IMMP2L: variants seen among roughly 807,000 people sequenced by gnomAD.
The protein encoded by IMMP2L is inner mitochondrial membrane peptidase subunit 2, also known as mitochondrial inner membrane protease subunit 2.
In IMMP2L, 18 loss-of-function variants were observed where a neutral mutation model predicts 19.3. That is an observed-to-expected ratio of 0.93 (90% CI 0.64 to 1.38). The LOEUF (loss-of-function observed/expected upper bound fraction) is 1.38, where lower values mean the gene tolerates loss of function less well. Ranked by LOEUF, IMMP2L falls within the 40% of genes most tolerant of loss-of-function variation. The pLI, the probability that IMMP2L is intolerant of heterozygous loss-of-function variation, is 0.00. For missense variants in IMMP2L, 233 were observed against 218.2 expected, an observed-to-expected ratio of 1.07 and a Z score of -0.43; for synonymous variants, 76 against 73.0, an observed-to-expected ratio of 1.04 and a Z score of -0.21.
chr7:111,235,697 GT>G (rs572009542), intron 3 of IMMP2L, among the ~76,000 whole-genome samples: 53 of 151,698 alleles, frequency 3.5e-4, no homozygotes, highest in Middle Eastern at 3.4e-3. Flanking sequence ...TGTGCTTGGG[GT>G]TTTTTTAGTT....
At chr7:111,549,890 G>A (rs1402513601) in intron 1 of IMMP2L, among the ~76,000 whole-genome samples, 2 of 149,564 alleles carry the variant, frequency 1.3e-5, no homozygotes, top group South Asian at 2.1e-4. Context: ...GCAGTGAGCC[G>A]AGATCACGTC....
chr7:110,749,952 T>C (rs1424787138), intron 5 of IMMP2L, among the ~76,000 whole-genome samples: 2 of 152,092 alleles, frequency 1.3e-5, no homozygotes, highest in Non-Finnish European at 2.9e-5. Context: ...GCAAACCTTT[T>C]GCAGCTAACA....
intron 3 of IMMP2L, among the ~76,000 whole-genome samples, chr7:111,253,886 A>C (rs539071622): frequency 5.9e-5 from 9 of 152,296 alleles, no homozygotes; most frequent in Admixed American, 5.2e-4. Context: ...GGCATGATCT[A>C]ACATTTAAAC....
intron 3 of IMMP2L, among the ~76,000 whole-genome samples, chr7:111,065,272 C>A (rs939732855): frequency 6.6e-5 from 10 of 152,104 alleles, no homozygotes; most frequent in African/African-American, 2.4e-4. Context: ...GTATTGCTAA[C>A]TTTATATAAT....
chr7:111,461,748 T>C (rs948128666), intron 3 of IMMP2L, among the ~76,000 whole-genome samples: 3 of 152,116 alleles, frequency 2.0e-5, no homozygotes, highest in Non-Finnish European at 2.9e-5. Context: ...AACAGTACAA[T>C]GATTTACCTA....
rs1798159219 is a variant in IMMP2L at position 110,758,442 on chromosome 7, A to T, written c.409-94721T>A. Among the ~76,000 whole-genome samples the T allele has an allele frequency of 6.6e-6, 1 of 152,114 alleles. No individual in the cohort carries two copies. The highest frequency in any genetic ancestry group is 1.5e-5 in the Non-Finnish European group (1 of 68,006). Reference sequence around the variant, plus strand: ...TGCTATTGGAAAAGATCTTATAGACAGGATAATATTGATGACTCAGGAGAG... The same window carrying T: ...TGCTATTGGAAAAGATCTTATAGACTGGATAATATTGATGACTCAGGAGAG... On this transcript the variant is annotated intron_variant, in intron 5 of 5. Coordinates refer to ENST00000405709, the MANE Select transcript of IMMP2L (RefSeq NM_032549.4). The surrounding 1 kb of genome is among the most constrained non-coding windows in gnomAD (Gnocchi z 4.6).
chr7:111,208,939 A>C (rs1209896338), intron 3 of IMMP2L, among the ~76,000 whole-genome samples: 1 of 152,228 alleles, frequency 6.6e-6, no homozygotes, highest in East Asian at 1.9e-4. Flanking sequence ...CTTTGAGGTA[A>C]CTTATGTACA....
chr7:110,674,624 CA>C (rs928555180), intron 5 of IMMP2L, among the ~76,000 whole-genome samples: 2 of 152,172 alleles, frequency 1.3e-5, no homozygotes, highest in African/African-American at 4.8e-5. Flanking sequence ...AAATTACCTA[CA>C]ATTATGTTTG....
chr7:110,929,601 A>G (rs1318121056), intron 4 of IMMP2L, among the ~76,000 whole-genome samples: 1 of 152,176 alleles, frequency 6.6e-6, no homozygotes, highest in African/African-American at 2.4e-5. Context: ...CTGAAACTGC[A>G]CTGAATTGTT....
At chr7:110,952,813 A>G (rs1272299672) in intron 4 of IMMP2L, among the ~76,000 whole-genome samples, 1 of 152,122 alleles carries the variant, frequency 6.6e-6, no homozygotes, top group Non-Finnish European at 1.5e-5. Context: ...CTAATATTTC[A>G]TTTTAGATAT....
chr7:111,532,055 G>A (rs1288496535), intron 1 of IMMP2L, among the ~76,000 whole-genome samples: 1 of 151,876 alleles, frequency 6.6e-6, no homozygotes, highest in Admixed American at 6.6e-5. Context: ...AAACTTAGAA[G>A]AAGTGAGATA....
intron 4 of IMMP2L, among the ~76,000 whole-genome samples, chr7:110,930,737 C>A (rs1815379960): frequency 6.6e-6 from 1 of 152,146 alleles, no homozygotes; most frequent in Non-Finnish European, 1.5e-5. Context: ...CTGGAGTTAT[C>A]ATACCAAGCT....
chr7:111,078,273 T>C (rs956256841), intron 3 of IMMP2L, among the ~76,000 whole-genome samples: 5 of 152,186 alleles, frequency 3.3e-5, no homozygotes, highest in African/African-American at 9.7e-5. Context: ...AAGGGCATGA[T>C]AGAAATGAGA....
At position 111,535,181 on chromosome 7, in the gene IMMP2L, T is replaced by C. The variant is rs1263819306; in HGVS notation, c.-2-13732A>G. On this transcript the variant is annotated intron_variant, in intron 1 of 5. Coordinates refer to ENST00000405709, the MANE Select transcript of IMMP2L (RefSeq NM_032549.4). ...TGGTTTAATTTTGCAGAATTAAAGATTTTTCAGGAATGCATGTATGTCATT... is the reference window on the plus strand; with the variant it reads ...TGGTTTAATTTTGCAGAATTAAAGACTTTTCAGGAATGCATGTATGTCATT... Among the ~76,000 whole-genome samples the C allele has an allele frequency of 2.0e-5, 3 of 152,074 alleles. No homozygotes were observed. In the South Asian group the frequency reaches 6.2e-4, roughly 32 times the overall value.
chr7:111,043,670 T>C lies in IMMP2L; in HGVS notation c.240-80105A>G, dbSNP rs114834949. 9.5e-3 allele frequency among the ~76,000 whole-genome samples: 1,440 copies of C among 152,356 alleles called. 26 individuals carry two copies. Among genetic ancestry groups the C allele is most frequent in the African/African-American group, 0.033 (1,390 of 41,576 alleles). On this transcript the variant is annotated intron_variant, in intron 3 of 5. Coordinates refer to ENST00000405709, the MANE Select transcript of IMMP2L (RefSeq NM_032549.4). ...GCAAATATCACTGTGTGACCTTTGATATAATAGTTTTTTAGTCTAACACCA... is the reference window on the plus strand; with the variant it reads ...GCAAATATCACTGTGTGACCTTTGACATAATAGTTTTTTAGTCTAACACCA...
chr7:111,476,792 T>C (rs1407898042), intron 3 of IMMP2L, among the ~76,000 whole-genome samples: 3 of 152,190 alleles, frequency 2.0e-5, no homozygotes, highest in Non-Finnish European at 4.4e-5. Flanking sequence ...ATGTGTTGCA[T>C]CCTTCTTGTC....
intron 3 of IMMP2L, among the ~76,000 whole-genome samples, chr7:111,289,133 C>T (rs1417944419): frequency 6.6e-6 from 1 of 152,052 alleles, no homozygotes; most frequent in African/African-American, 2.4e-5. Context: ...ATGGATGACA[C>T]TGGAAACCAT....
chr7:111,334,524 G>T (rs1305097058), intron 3 of IMMP2L, among the ~76,000 whole-genome samples: 1 of 151,972 alleles, frequency 6.6e-6, no homozygotes, highest in Admixed American at 6.6e-5. Flanking sequence ...AAAATTCATA[G>T]CCTTAACATT....
At position 110,877,368 on chromosome 7, in the gene IMMP2L, A is replaced by G. The variant is rs1809183549; in HGVS notation, c.408+9225T>C. 6.6e-6 allele frequency among the ~76,000 whole-genome samples: 1 copy of G among 152,178 alleles called. No homozygotes were observed. The highest frequency in any genetic ancestry group is 1.5e-5 in the Non-Finnish European group (1 of 68,030). ...ACACACAGAATCACTGTGCAATTATACTGCAAATGCTGTGTGGGGTAACTG... is the reference window on the plus strand; with the variant it reads ...ACACACAGAATCACTGTGCAATTATGCTGCAAATGCTGTGTGGGGTAACTG... On this transcript the variant is annotated intron_variant, in intron 5 of 5. Coordinates refer to ENST00000405709, the MANE Select transcript of IMMP2L (RefSeq NM_032549.4). This position sits in a 1 kb window ranked among gnomAD's most constrained non-coding sequence, Gnocchi z 4.0.
Sources: gnomAD v4.1 joint callset for allele counts (sites outside exome capture counted in the v4.1 genomes callset) on GRCh38, gnomAD v4.1.1 for gene constraint, Gnocchi (gnomAD v3.1) non-coding constraint, MANE v1.5 for transcripts, NCBI Gene and HGNC (gene_info 2026-07-23, HGNC 2026-07-21) for gene names.